ZNF672: variants seen among roughly 807,000 people sequenced by gnomAD.
ZNF672 encodes the protein hypothetical protein FLJ22301.
For synonymous variants in ZNF672, 358 were observed against 305.6 expected (o/e 1.17, Z -1.79); for missense variants, 733 against 701.1 (o/e 1.05, Z -0.51).
In ZNF672 at chr1:248,847,193, A is replaced by C; in HGVS notation, c.-82A>C. ...GTTACAGTGCCCTTTCCAGGCCTTA[A>C]GAGAAGTAAAACTTAGCTGCAGCGT... On this transcript the variant is annotated 5_prime_UTR_variant, in exon 4 of 4. It removes the in-frame stop codon of an upstream open reading frame in the 5' UTR. Coordinates refer to ENST00000306562, the MANE Select transcript of ZNF672 (RefSeq NM_024836.3). The C allele has an allele frequency of 6.0e-6, 9 of 1,508,860 alleles. No individual in the cohort carries two copies. In the Middle Eastern group the frequency reaches 1.1e-3, roughly 183 times the overall value. The allele number at this position is 1,508,860 out of a possible 1,614,324, so 93.5% of individuals were successfully genotyped here.
At chr1:248,845,808 TC>T (rs1160540991) in intron 3 of ZNF672, 146 bp downstream of exon 3, 5 of 152,190 alleles carry the variant, frequency 3.3e-5, no homozygotes, top group African/African-American at 1.2e-4. Context: ...TTGTGTCCTC[TC>T]CCGCATCTGT....
intron 2 of ZNF672, 31 bp from the exon 3 acceptor site, chr1:248,845,535 T>C (rs1330433474): frequency 6.6e-6 from 1 of 152,150 alleles, no homozygotes; most frequent in Non-Finnish European, 1.5e-5. Flanking sequence ...AATTCACATT[T>C]TCCCTTTTAC....
At chr1:248,843,861 C>T (rs1443383898) in intron 1 of ZNF672, among the ~76,000 whole-genome samples, 1 of 152,186 alleles carries the variant, frequency 6.6e-6, no homozygotes. Flanking sequence ...AGTGCTCAGT[C>T]ACCACATGTG....
At chr1:248,842,521 C>T (rs574439685) in intron 1 of ZNF672, among the ~76,000 whole-genome samples, 28 of 151,906 alleles carry the variant, frequency 1.8e-4, no homozygotes, top group African/African-American at 6.5e-4. Context: ...GCAATGAGTA[C>T]GAGGGAGGTG....
At chr1:248,838,790 TTTTCGGGGCTG>T (rs1262808970) in intron 1 of ZNF672, 1 of 152,234 alleles carries the variant, frequency 6.6e-6, no homozygotes, top group Non-Finnish European at 1.5e-5. Context: ...TCGGGTGACC[TTTTCGGGGCTG>T]GCGTCACCAC....
intron 1 of ZNF672, chr1:248,839,493 A>G (rs146648578): frequency 6.6e-6 from 1 of 152,242 alleles, no homozygotes; most frequent in Non-Finnish European, 1.5e-5. Flanking sequence ...TGATAATAAT[A>G]ATTAGCCGGG....
Position 248,847,567 on chromosome 1 carries a change from C to T in ZNF672, c.293C>T (p.Thr98Ile). ...HLGAHRQRCR[T>I]CPCRTCGRRF... ...GGCGCACACCGGCAGCGATGCCGCA[C>T]TTGCCCCTGCCGCACATGCGGCCGG... Residue 98 changes from threonine to isoleucine, a missense_variant, in exon 4 of 4, where the codon ACT becomes ATT. Thr to Ile is a moderately conservative substitution (Grantham distance 89, BLOSUM62 -1). Coordinates refer to ENST00000306562, the MANE Select transcript of ZNF672 (RefSeq NM_024836.3). 2 of 1,577,512 alleles carry T rather than the reference C, an allele frequency of 1.3e-6. No individual in the cohort carries two copies. The highest frequency in any genetic ancestry group is 4.7e-5 in the East Asian group (2 of 42,650).
rs368225676 is a variant in ZNF672, at chr1:248,848,738, C to G, written c.*105C>G. 3 of 1,428,180 alleles carry G rather than the reference C, an allele frequency of 2.1e-6. No individual in the cohort carries two copies. Among genetic ancestry groups the G allele is most frequent in the African/African-American group, 2.9e-5 (2 of 69,498 alleles). 88.5% of individuals were successfully genotyped at this position (1,428,180 alleles called of 1,614,324 possible). A position where few individuals can be genotyped will look rare whatever the true frequency, so the allele number is the denominator to read the frequency against. The stretch of plus-strand genomic sequence containing the variant: ...TCGTAGATGGAGATTTGGGAAAAGA[C>G]GATGTGGCCTCCTACCTTTCCAGTT... On this transcript the variant is annotated 3_prime_UTR_variant, in exon 4 of 4. Coordinates refer to ENST00000306562, the MANE Select transcript of ZNF672 (RefSeq NM_024836.3).
In ZNF672 at chr1:248,848,474, C is replaced by G. The variant is rs762670389; in HGVS notation, c.1200C>G (p.Cys400Trp). The change falls in exon 4 of 4, where the codon TGC becomes TGG. Residue 400 changes from cysteine to tryptophan, a missense_variant. Coordinates refer to ENST00000306562, the MANE Select transcript of ZNF672 (RefSeq NM_024836.3). Reference sequence around the variant, plus strand: ...AACGGCCAGCGGAGTGCGCAGAGTGCGGCAAGTGCTTCAGCCACAGCCGCT... The same window carrying G: ...AACGGCCAGCGGAGTGCGCAGAGTGGGGCAAGTGCTTCAGCCACAGCCGCT... ...LGERPAECAE[C>W]GKCFSHSRSL... 1 of 1,605,738 alleles carries G rather than the reference C, an allele frequency of 6.2e-7. No homozygotes were observed. Among genetic ancestry groups the G allele is most frequent in the East Asian group, 2.2e-5 (1 of 44,522 alleles).
intron 1 of ZNF672, among the ~76,000 whole-genome samples, chr1:248,844,018 C>A (rs1264562663): frequency 2.0e-5 from 3 of 152,116 alleles, no homozygotes; most frequent in African/African-American, 7.2e-5. Flanking sequence ...TTTTGTCCCA[C>A]CCCAGAAATG....
rs888106469 is a variant in ZNF672, at chr1:248,842,212, A to G, written c.-474-2271A>G. Among the ~76,000 whole-genome samples the G allele has an allele frequency of 2.0e-5, 3 of 152,102 alleles. No homozygotes were observed. In the East Asian group the frequency reaches 5.8e-4, roughly 29 times the overall value. On this transcript the variant is annotated intron_variant, in intron 1 of 3. Transcript: ENST00000306562. ...TGCTTCCTGTTACATTCACTGACTA[A>G]TAGATGCTCCTTCCAGCTTCAGATT...
chr1:248,847,985 G>T lies in ZNF672; in HGVS notation c.711G>T (p.Leu237=), dbSNP rs968495673. The change falls in exon 4 of 4, where the codon CTG becomes CTT. Residue 237 remains leucine, a synonymous_variant. Transcript: ENST00000306562. The stretch of plus-strand genomic sequence containing the variant: ...GCCCGGAGTGCGGCAAGGGCTTCCT[G>T]GAGAGCGCCACGCTGGTGCGCCACC... ...FKCPECGKGF[L]ESATLVRHQR... 2.1e-5 allele frequency: 32 copies of T among 1,558,548 alleles called. No individual in the cohort carries two copies. Among genetic ancestry groups the T allele is most frequent in the Non-Finnish European group, 2.7e-5 (31 of 1,152,902 alleles).
At position 248,848,955 on chromosome 1, in the gene ZNF672, C is replaced by G. The variant is rs562818562; in HGVS notation, c.*322C>G. 2.6e-5 allele frequency: 16 copies of G among 625,910 alleles called. No homozygotes were observed. In the East Asian group the frequency reaches 5.5e-4, roughly 22 times the overall value. 38.8% of individuals were successfully genotyped at this position (625,910 alleles called of 1,614,324 possible). Reference sequence around the variant, plus strand: ...TGTGTCCCTTTAATGCTACTGTGCTCTCTGGTGTTTCTGATTTTCCTGCCT... The same window carrying G: ...TGTGTCCCTTTAATGCTACTGTGCTGTCTGGTGTTTCTGATTTTCCTGCCT... On this transcript the variant is annotated 3_prime_UTR_variant, in exon 4 of 4. Coordinates refer to ENST00000306562, the MANE Select transcript of ZNF672 (RefSeq NM_024836.3).
chr1:248,843,946 G>A (rs1664717361), intron 1 of ZNF672, among the ~76,000 whole-genome samples: 1 of 152,056 alleles, frequency 6.6e-6, no homozygotes, highest in Non-Finnish European at 1.5e-5. Flanking sequence ...CCCAAACCAG[G>A]TTTACCAACT....
Position 248,838,278 on chromosome 1 carries a change from C to A in ZNF672, c.-748C>A, listed in dbSNP as rs1023498149. 3 of 152,410 alleles carry A rather than the reference C, an allele frequency of 2.0e-5. No individual in the cohort carries two copies. Among genetic ancestry groups the A allele is most frequent in the Non-Finnish European group, 2.9e-5 (2 of 68,184 alleles). The allele number at this position is 152,410 out of a possible 1,614,324, so 9.4% of individuals were successfully genotyped here. ...GGCCGGAGAGGCTGAGTGGTTGGTACGCTGCTCGCTGGCCTCCCAGTCTTC... is the reference window on the plus strand; with the variant it reads ...GGCCGGAGAGGCTGAGTGGTTGGTAAGCTGCTCGCTGGCCTCCCAGTCTTC... On this transcript the variant is annotated 5_prime_UTR_variant, in exon 1 of 4. Coordinates refer to ENST00000306562, the MANE Select transcript of ZNF672 (RefSeq NM_024836.3).
In ZNF672 at chr1:248,847,563, C is replaced by G. The variant is rs766318226; in HGVS notation, c.289C>G (p.Arg97Gly). ...LHLGAHRQRC[R>G]TCPCRTCGRR... ...CTTGGGCGCACACCGGCAGCGATGCCGCACTTGCCCCTGCCGCACATGCGG... is the reference window on the plus strand; with the variant it reads ...CTTGGGCGCACACCGGCAGCGATGCGGCACTTGCCCCTGCCGCACATGCGG... Residue 97 changes from arginine to glycine, a missense_variant, in exon 4 of 4, where the codon CGC (arginine) becomes GGC (glycine). Transcript: ENST00000306562. 2 of 1,579,694 alleles carry G rather than the reference C, an allele frequency of 1.3e-6. No individual in the cohort carries two copies. Among genetic ancestry groups the G allele is most frequent in the African/African-American group, 1.3e-5 (1 of 74,152 alleles).
At chr1:248,841,576 C>T (rs903136172) in intron 1 of ZNF672, among the ~76,000 whole-genome samples, 1 of 152,226 alleles carries the variant, frequency 6.6e-6, no homozygotes. Flanking sequence ...CATACCTTCT[C>T]TATACTTCCC....
At chr1:248,839,732 A>ATTTTTTTTTTTTTTTT (rs774234469) in intron 1 of ZNF672, among the ~76,000 whole-genome samples, 1 of 113,896 alleles carries the variant, frequency 8.8e-6, no homozygotes, top group African/African-American at 3.8e-5. Flanking sequence ...AGTGTTAGCA[A>ATTTTTTTTTTTTTTTT]TTTTTTTTTT....
In ZNF672 at chr1:248,849,197, T is replaced by C; in HGVS notation, c.*564T>C. On this transcript the variant is annotated 3_prime_UTR_variant, in exon 4 of 4. Transcript: ENST00000306562. ...AAAGCTCACTTCCATGAAGGATGTCTCCATGCTAGGAGCTGCCTGCACCCT... is the reference window on the plus strand; with the variant it reads ...AAAGCTCACTTCCATGAAGGATGTCCCCATGCTAGGAGCTGCCTGCACCCT... 2.4e-6 allele frequency: 1 copy of C among 425,426 alleles called. No homozygotes were observed. The highest frequency in any genetic ancestry group is 4.9e-6 in the Non-Finnish European group (1 of 205,620). 26.4% of individuals were successfully genotyped at this position (425,426 alleles called of 1,614,324 possible). A position where few individuals can be genotyped will look rare whatever the true frequency, so the allele number is the denominator to read the frequency against.
Sources: allele counts gnomAD v4.1 joint callset (sites outside exome capture counted in the v4.1 genomes callset), GRCh38; gene constraint gnomAD v4.1.1; transcripts MANE v1.5; gene names NCBI Gene and HGNC (gene_info 2026-07-23, HGNC 2026-07-21).